The following FSTL5 variants were observed in gnomAD, a reference collection of about 807,000 sequenced individuals.
FSTL5 encodes the protein follistatin like 5.
Under a neutral mutation model 89.1 loss-of-function variants are expected in FSTL5, and 62 were observed. That is an observed-to-expected ratio of 0.70 (90% CI 0.57 to 0.86). The LOEUF (loss-of-function observed/expected upper bound fraction) is 0.86, where lower values mean the gene tolerates loss of function less well. Among genes scored for constraint, FSTL5 ranks in the 40% least tolerant of loss-of-function variants. The pLI, the probability that FSTL5 is intolerant of heterozygous loss-of-function variation, is 0.00. For synonymous variants in FSTL5, 383 were observed against 346.2 expected (o/e 1.11, Z -1.18); for missense variants, 1,057 against 1,001.6 (o/e 1.06, Z -0.75).
chr4:162,007,107 G>A (rs1360277076), intron 3 of FSTL5, among the ~76,000 whole-genome samples: 1 of 151,762 alleles, frequency 6.6e-6, no homozygotes, highest in East Asian at 1.9e-4. Context: ...TTCATCAGTG[G>A]TTGATAAAAT....
chr4:162,043,880 T>C (rs1738071267), intron 2 of FSTL5, among the ~76,000 whole-genome samples: 1 of 152,224 alleles, frequency 6.6e-6, no homozygotes, highest in African/African-American at 2.4e-5. Context: ...ACTGTAAGAT[T>C]GTGGCAATTT....
chr4:162,085,528 T>C (rs2872707), intron 2 of FSTL5, among the ~76,000 whole-genome samples: 89,779 of 151,488 alleles, frequency 0.59, 26,734 homozygotes, highest in Middle Eastern at 0.7. Flanking sequence ...TGTGTATACA[T>C]GTTTGCGTGT....
intron 8 of FSTL5, among the ~76,000 whole-genome samples, chr4:161,545,435 T>C (rs1731970117): frequency 1.1e-5 from 1 of 88,912 alleles, no homozygotes; most frequent in South Asian, 5.2e-4. Flanking sequence ...ATTCAGTGTG[T>C]ATTTCTTTAA....
At chr4:161,533,773 A>G (rs191949053) in intron 10 of FSTL5, among the ~76,000 whole-genome samples, 26 of 152,010 alleles carry the variant, frequency 1.7e-4, no homozygotes, top group Non-Finnish European at 3.7e-4. Context: ...CACAACAACA[A>G]CAACAAAAAA....
At chr4:161,713,039 C>T (rs1369293054) in intron 6 of FSTL5, among the ~76,000 whole-genome samples, 1 of 152,094 alleles carries the variant, frequency 6.6e-6, no homozygotes, top group Non-Finnish European at 1.5e-5. Context: ...TTTATAGCAA[C>T]ACAAACAGAC....
chr4:161,882,838 G>C (rs1297500972), intron 4 of FSTL5, among the ~76,000 whole-genome samples: 1 of 152,068 alleles, frequency 6.6e-6, no homozygotes, highest in Non-Finnish European at 1.5e-5. Context: ...TTACATAGTA[G>C]AGCAAGCAGC....
chr4:161,898,790 C>T (rs146210998), intron 4 of FSTL5, among the ~76,000 whole-genome samples: 16 of 151,834 alleles, frequency 1.1e-4, no homozygotes, highest in African/African-American at 2.9e-4. Context: ...CCACCATGCC[C>T]GGCTAATTTT....
At chr4:161,559,983 C>G (rs1732533757) in intron 8 of FSTL5, among the ~76,000 whole-genome samples, 1 of 151,906 alleles carries the variant, frequency 6.6e-6, no homozygotes, top group South Asian at 2.1e-4. Flanking sequence ...CAACCCAAGA[C>G]AGCTTTCAAT....
chr4:162,036,814 G>T (rs1436818580), intron 2 of FSTL5, among the ~76,000 whole-genome samples: 1 of 151,872 alleles, frequency 6.6e-6, no homozygotes, highest in Non-Finnish European at 1.5e-5. Context: ...GACATAGATA[G>T]AATCATTGAC....
chr4:161,713,022 G>C (rs1738852512), intron 6 of FSTL5, among the ~76,000 whole-genome samples: 1 of 152,072 alleles, frequency 6.6e-6, no homozygotes, highest in African/African-American at 2.4e-5. Context: ...CCAGTCTCAG[G>C]TATTCCTTTA....
chr4:161,687,326 C>T (rs1438350947), intron 6 of FSTL5, among the ~76,000 whole-genome samples: 1 of 152,186 alleles, frequency 6.6e-6, no homozygotes, highest in African/African-American at 2.4e-5. Context: ...GTGCTCTTCT[C>T]ATATAAGACC....
At chr4:162,049,529 G>A (rs2111253766) in intron 2 of FSTL5, among the ~76,000 whole-genome samples, 1 of 152,296 alleles carries the variant, frequency 6.6e-6, no homozygotes, top group Middle Eastern at 3.4e-3. Flanking sequence ...CAGTAGGAGA[G>A]TTGCATCATG....
intron 3 of FSTL5, among the ~76,000 whole-genome samples, chr4:162,029,351 G>T (rs1289393235): frequency 6.6e-6 from 1 of 151,970 alleles, no homozygotes; most frequent in Non-Finnish European, 1.5e-5. Context: ...CCCTTTTCAT[G>T]TACATCAATA....
At chr4:161,584,975 A>T (rs527266775) in intron 8 of FSTL5, among the ~76,000 whole-genome samples, 21 of 152,330 alleles carry the variant, frequency 1.4e-4, no homozygotes, top group African/African-American at 5.1e-4. Flanking sequence ...ATCACTGCTA[A>T]TATTGAATTC....
chr4:162,143,721 C>T (rs1732840920), intron 1 of FSTL5, among the ~76,000 whole-genome samples: 2 of 23,010 alleles, frequency 8.7e-5, no homozygotes, highest in South Asian at 2.5e-3. Context: ...TGACTTTACA[C>T]ACACACACAC....
intron 3 of FSTL5, among the ~76,000 whole-genome samples, chr4:161,991,787 T>C (rs1736118691): frequency 6.6e-6 from 1 of 152,042 alleles, no homozygotes; most frequent in South Asian, 2.1e-4. Flanking sequence ...TTGTTAGAAG[T>C]TGAAAAGGCT....
chr4:161,897,893 T>A (rs1210117678), intron 4 of FSTL5, among the ~76,000 whole-genome samples: 2 of 151,608 alleles, frequency 1.3e-5, no homozygotes, highest in Non-Finnish European at 2.9e-5. Context: ...TTCATCCCCT[T>A]ACCTAAAACC....
In FSTL5 at chr4:161,740,208, C is replaced by T. The variant is rs548333731; in HGVS notation, c.727+19203G>A. On this transcript the variant is annotated intron_variant, in intron 6 of 15. Coordinates refer to ENST00000306100, the MANE Select transcript of FSTL5 (RefSeq NM_020116.5). ...CTAATTTTTATATTATTAGTAGAGACGGGGTTTCACCATGTTGGCCAACCT... is the reference window on the plus strand; with the variant it reads ...CTAATTTTTATATTATTAGTAGAGATGGGGTTTCACCATGTTGGCCAACCT... Among the ~76,000 whole-genome samples the T allele has an allele frequency of 4.7e-4, 72 of 151,848 alleles. 2 individuals are homozygous for T. The highest frequency in any genetic ancestry group is 3.5e-3 in the East Asian group (18 of 5,146).
chr4:161,891,034 A>T (rs1732972608), intron 4 of FSTL5, among the ~76,000 whole-genome samples: 1 of 151,702 alleles, frequency 6.6e-6, no homozygotes, highest in Non-Finnish European at 1.5e-5. Flanking sequence ...TGTTCTTGTC[A>T]GTCAAAAATT....
Sources: gnomAD v4.1 joint callset for allele counts (sites outside exome capture counted in the v4.1 genomes callset) on GRCh38, gnomAD v4.1.1 for gene constraint, MANE v1.5 for transcripts, NCBI Gene and HGNC (gene_info 2026-07-23, HGNC 2026-07-21) for gene names.